The following TMCC3 variants were observed in gnomAD, a reference collection of about 807,000 sequenced individuals.
TMCC3 encodes the protein transmembrane and coiled-coil domain protein 3.
TMCC3 carries 28 observed loss-of-function variants against 40.2 expected under a neutral mutation model. The ratio of observed to expected loss-of-function variants is 0.70; its 90% confidence interval spans 0.52 to 0.95. TMCC3 has a LOEUF of 0.95. Among genes scored for constraint, TMCC3 ranks in the 40% least tolerant of loss-of-function variants. The pLI, the probability that TMCC3 is intolerant of heterozygous loss-of-function variation, is 0.00. For synonymous variants in TMCC3, 255 were observed against 248.5 expected, an observed-to-expected ratio of 1.03 and a Z score of -0.25; for missense variants, 554 against 615.2, an observed-to-expected ratio of 0.90 and a Z score of 1.05.
chr12:94,588,057 C>T (rs567080337), intron 1 of TMCC3, among the ~76,000 whole-genome samples: 15 of 152,260 alleles, frequency 9.9e-5, no homozygotes, highest in Admixed American at 5.2e-4. Context: ...CCCGGACAGA[C>T]GTCAAAATCT....
chr12:94,632,831 A>C (rs1227252278), intron 1 of TMCC3, among the ~76,000 whole-genome samples: 5 of 152,230 alleles, frequency 3.3e-5, no homozygotes, highest in African/African-American at 4.8e-5. Flanking sequence ...AGAAAACTGT[A>C]ATTACAAGGC....
In TMCC3 at chr12:94,617,097, G is replaced by A. The variant is rs139125408; in HGVS notation, c.78+33256C>T. 3.5e-4 allele frequency among the ~76,000 whole-genome samples: 53 copies of A among 152,280 alleles called. No individual in the cohort carries two copies. In the Middle Eastern group the frequency reaches 0.014, roughly 39 times the overall value. ...CACCTGGATGTGGGGGTGAAGGGAC[G>A]AGTCAAGGAAAACCCCACTTCTGTT... On this transcript the variant is annotated intron_variant, in intron 1 of 3. Transcript: ENST00000261226.
intron 2 of TMCC3, among the ~76,000 whole-genome samples, chr12:94,579,441 A>G (rs1430996456): frequency 6.6e-6 from 1 of 152,250 alleles, no homozygotes; most frequent in Non-Finnish European, 1.5e-5. Context: ...CAGAAGGTGG[A>G]GGCTGCAGTG....
intron 1 of TMCC3, among the ~76,000 whole-genome samples, chr12:94,632,402 G>C (rs1169118860): frequency 6.6e-6 from 1 of 152,150 alleles, no homozygotes. Flanking sequence ...AGCAAATTCA[G>C]AATAACTTTA....
chr12:94,646,211 A>G (rs764438078), intron 1 of TMCC3, among the ~76,000 whole-genome samples: 8 of 152,166 alleles, frequency 5.3e-5, no homozygotes, highest in Admixed American at 6.5e-5. Flanking sequence ...AACCAATTCC[A>G]GAGAAATGTC....
At chr12:94,640,764 C>G (rs1312101175) in intron 1 of TMCC3, among the ~76,000 whole-genome samples, 1 of 152,190 alleles carries the variant, frequency 6.6e-6, no homozygotes, top group African/African-American at 2.4e-5. Context: ...CTCACAAAGC[C>G]GCTAAGTGAA....
intron 3 of TMCC3, among the ~76,000 whole-genome samples, chr12:94,572,576 G>A (rs2068539087): frequency 6.6e-6 from 1 of 152,010 alleles, no homozygotes; most frequent in Non-Finnish European, 1.5e-5. Flanking sequence ...CTCCCACAGT[G>A]GTGGAATTAC....
At chr12:94,574,612 A>G (rs2068553153) in intron 3 of TMCC3, among the ~76,000 whole-genome samples, 1 of 152,224 alleles carries the variant, frequency 6.6e-6, no homozygotes, top group Non-Finnish European at 1.5e-5. Context: ...TCTATGGGCC[A>G]AAGAACAGGT....
At chr12:94,639,668 AACACAC>A (rs3073591) in intron 1 of TMCC3, among the ~76,000 whole-genome samples, 147 of 124,138 alleles carry the variant, frequency 1.2e-3, no homozygotes, top group African/African-American at 4.1e-3. Context: ...CATATATGTA[AACACAC>A]ACACACACAC....
chr12:94,623,587 C>T (rs1009412590), intron 1 of TMCC3, among the ~76,000 whole-genome samples: 2 of 152,242 alleles, frequency 1.3e-5, no homozygotes, highest in African/African-American at 4.8e-5. Context: ...GTAAAGAGAG[C>T]ACGGTGTCCA....
At chr12:94,621,568 C>A (rs2068875901) in intron 1 of TMCC3, among the ~76,000 whole-genome samples, 1 of 152,168 alleles carries the variant, frequency 6.6e-6, no homozygotes, top group African/African-American at 2.4e-5. Context: ...ATCAGGAAAT[C>A]TCTACTGGAG....
In TMCC3 at chr12:94,569,390, T is replaced by A. The variant is rs2068513193; in HGVS notation, c.*2045A>T. ...CCCTGCCTTGCACCTGGCCTCCTTA[T>A]CTGTCTCCCAGACTTGAAAGATCAG... is the stretch of plus-strand genomic sequence containing the variant. On this transcript the variant is annotated 3_prime_UTR_variant, in exon 4 of 4. Transcript: ENST00000261226. 2 of 152,324 alleles carry A rather than the reference T, an allele frequency of 1.3e-5. No individual in the cohort carries two copies. Among genetic ancestry groups the A allele is most frequent in the Non-Finnish European group, 2.9e-5 (2 of 68,136 alleles). 9.4% of individuals were successfully genotyped at this position (152,324 alleles called of 1,614,324 possible). A position where few individuals can be genotyped will look rare whatever the true frequency, so the allele number is the denominator to read the frequency against.
chr12:94,643,636 A>C (rs2069002706), intron 1 of TMCC3, among the ~76,000 whole-genome samples: 1 of 152,240 alleles, frequency 6.6e-6, no homozygotes, highest in Admixed American at 6.5e-5. Flanking sequence ...TCATTCATTC[A>C]CATGTTTACT....
At chr12:94,585,806 T>C (rs1188373250) in intron 1 of TMCC3, among the ~76,000 whole-genome samples, 3 of 152,342 alleles carry the variant, frequency 2.0e-5, no homozygotes, top group East Asian at 3.9e-4. Flanking sequence ...TGTGCTTGTC[T>C]TGTGGCACTT....
chr12:94,613,042 TG>T, intron 1 of TMCC3, among the ~76,000 whole-genome samples: 1 of 150,978 alleles, frequency 6.6e-6, no homozygotes, highest in South Asian at 2.1e-4. Flanking sequence ...GGCAATAAAA[TG>T]GAGAGATATA....
intron 1 of TMCC3, among the ~76,000 whole-genome samples, chr12:94,633,282 T>C (rs2068942941): frequency 6.6e-6 from 1 of 152,110 alleles, no homozygotes; most frequent in Non-Finnish European, 1.5e-5. Context: ...AGCTTCAGGT[T>C]ATGGAGGCCT....
At chr12:94,642,453 T>C (rs190662374) in intron 1 of TMCC3, among the ~76,000 whole-genome samples, 7 of 152,374 alleles carry the variant, frequency 4.6e-5, no homozygotes, top group Admixed American at 4.6e-4. Context: ...GGCTATGTTT[T>C]CTAGTTGCTT....
chr12:94,609,583 C>A (rs2068803180), intron 1 of TMCC3, among the ~76,000 whole-genome samples: 1 of 152,186 alleles, frequency 6.6e-6, no homozygotes, highest in Non-Finnish European at 1.5e-5. Flanking sequence ...ACTATCTTAC[C>A]TGAGTGATTT....
intron 1 of TMCC3, among the ~76,000 whole-genome samples, chr12:94,612,214 G>A (rs1054856994): frequency 3.3e-5 from 5 of 152,142 alleles, no homozygotes; most frequent in African/African-American, 1.2e-4. Context: ...TGACCAGGCT[G>A]GTCTCGAACT....
Sources: allele counts gnomAD v4.1 joint callset (sites outside exome capture counted in the v4.1 genomes callset), GRCh38; gene constraint gnomAD v4.1.1; transcripts MANE v1.5; gene names NCBI Gene and HGNC (gene_info 2026-07-23, HGNC 2026-07-21).